Variants in EYS observed in about 807,000 individuals in gnomAD.
EYS encodes the protein EGF-like photoreceptor maintenance factor, also known as protein eyes shut homolog.
EYS carries 250 observed loss-of-function variants against 282.1 expected under a neutral mutation model. The observed-to-expected ratio is 0.89, with a 90% CI of 0.80 to 0.98. The LOEUF (loss-of-function observed/expected upper bound fraction) is 0.98, where lower values mean the gene tolerates loss of function less well. EYS is among the 50% of genes least tolerant of loss of function. EYS has a pLI of 0.00. For missense variants in EYS, 4,016 were observed against 3,709.0 expected (o/e 1.08, Z -2.15); for synonymous variants, 1,355 against 1,282.9 (o/e 1.06, Z -1.20).
chr6:63,905,329 C>CTTTTTTT (rs377115720), intron 35 of EYS, among the ~76,000 whole-genome samples: 1 of 118,300 alleles, frequency 8.5e-6, no homozygotes, highest in African/African-American at 3.4e-5. Flanking sequence ...CTTTTTTTTT[C>CTTTTTTT]TTTTTTTTTT....
chr6:64,542,671 C>T (rs1764726316), intron 26 of EYS, among the ~76,000 whole-genome samples: 1 of 151,966 alleles, frequency 6.6e-6, no homozygotes, highest in South Asian at 2.1e-4. Flanking sequence ...TATAAAATAA[C>T]ACATATAAAA....
intron 22 of EYS, among the ~76,000 whole-genome samples, chr6:64,686,192 G>A (rs896670410): frequency 4.6e-5 from 7 of 151,272 alleles, no homozygotes; most frequent in Non-Finnish European, 8.8e-5. Flanking sequence ...AAAATTTAAA[G>A]TTAATGACCT....
rs182741854 is a variant in EYS, at chr6:64,848,257, A to T, written c.2993-25435T>A. On this transcript the variant is annotated intron_variant, in intron 19 of 42. Coordinates refer to ENST00000503581, the MANE Select transcript of EYS (RefSeq NM_001142800.2). ...CTCTTTCCTTCACATTTTTTCTTTT[A>T]TTTTTTCAGTCTTTAAGAATAATAT... Among the ~76,000 whole-genome samples, 109 of 151,510 alleles carry T rather than the reference A, an allele frequency of 7.2e-4. 1 individual carries two copies. Among genetic ancestry groups the T allele is most frequent in the Admixed American group, 6.5e-3 (99 of 15,156 alleles).
intron 29 of EYS, among the ~76,000 whole-genome samples, chr6:64,349,541 G>GT (rs1771538327): frequency 6.6e-6 from 1 of 151,038 alleles, no homozygotes; most frequent in African/African-American, 2.4e-5. Flanking sequence ...TCAATACTAG[G>GT]TAAGAGTTAA....
At chr6:64,845,250 C>A (rs1765683758) in intron 19 of EYS, among the ~76,000 whole-genome samples, 1 of 151,840 alleles carries the variant, frequency 6.6e-6, no homozygotes, top group African/African-American at 2.4e-5. Context: ...AACATAGTGC[C>A]ACTACACTCC....
At chr6:65,563,917 C>T (rs1217065898) in intron 2 of EYS, among the ~76,000 whole-genome samples, 2 of 152,220 alleles carry the variant, frequency 1.3e-5, no homozygotes, top group East Asian at 3.9e-4. Context: ...AGCTTATGAG[C>T]AACTTCAGCA....
chr6:64,328,365 C>T (rs1582604960), intron 29 of EYS, among the ~76,000 whole-genome samples: 1 of 152,264 alleles, frequency 6.6e-6, no homozygotes, highest in South Asian at 2.1e-4. Flanking sequence ...GGACCCTAAC[C>T]AGGCTCAAGG....
chr6:64,506,420 A>C lies in EYS; in HGVS notation c.5645-67068T>G, dbSNP rs192852632. 4.1e-3 allele frequency among the ~76,000 whole-genome samples: 631 copies of C among 152,304 alleles called. 2 individuals are homozygous for C. The highest frequency in any genetic ancestry group is 5.2e-3 in the Non-Finnish European group (354 of 68,020). On this transcript the variant is annotated intron_variant, in intron 26 of 42. Transcript: ENST00000503581. ...GATAACACTGAGTTAGTTCTAATCT[A>C]ACATTAAAGGAAGAAACATGTACAC... is the stretch of plus-strand genomic sequence containing the variant.
chr6:64,439,261 C>A lies in EYS; in HGVS notation c.5736G>T (p.Gln1912His). 6.6e-7 allele frequency: 1 copy of A among 1,515,586 alleles called. No homozygotes were observed. Among genetic ancestry groups the A allele is most frequent in the Non-Finnish European group, 8.8e-7 (1 of 1,131,562 alleles). The allele number at this position is 1,515,586 out of a possible 1,614,324, so 93.9% of individuals were successfully genotyped here. Reference sequence around the variant, plus strand: ...GCAGAAGTCCATAGGAGCTGAAGGTCTGAAATTCTAGGGAGATGTTATTTT... The same window carrying A: ...GCAGAAGTCCATAGGAGCTGAAGGTATGAAATTCTAGGGAGATGTTATTTT... Reference protein sequence around the residue: ...NPQNNISLEFQTFSSYGLLLY... With the variant: ...NPQNNISLEFHTFSSYGLLLY... Residue 1912 changes from glutamine to histidine, a missense_variant, in exon 27 of 43, where the codon CAG becomes CAT. Physicochemically the swap from Gln to His is conservative, Grantham distance 24. Transcript: ENST00000503581.
chr6:63,757,940 A>G (rs1769532816), intron 41 of EYS, among the ~76,000 whole-genome samples: 12 of 152,278 alleles, frequency 7.9e-5, no homozygotes, highest in Admixed American at 6.5e-4. Context: ...TCATTCTGTC[A>G]TCCAAGTTGG....
chr6:65,012,819 A>G (rs1246986919), intron 13 of EYS, among the ~76,000 whole-genome samples: 1 of 150,640 alleles, frequency 6.6e-6, no homozygotes, highest in Non-Finnish European at 1.5e-5. Flanking sequence ...GCAAAAAAAA[A>G]AAAAAAATGA....
At chr6:64,678,494 C>A (rs1371799937) in intron 22 of EYS, among the ~76,000 whole-genome samples, 5 of 152,128 alleles carry the variant, frequency 3.3e-5, no homozygotes, top group Non-Finnish European at 7.3e-5. Flanking sequence ...AGGAGAATCA[C>A]TTGAACCCAG....
chr6:65,408,149 C>A (rs1251463978), intron 5 of EYS, among the ~76,000 whole-genome samples: 1 of 151,856 alleles, frequency 6.6e-6, no homozygotes, highest in Non-Finnish European at 1.5e-5. Context: ...CGTACTTTAT[C>A]AGGATAGAAA....
At chr6:64,879,931 G>A (rs1201173648) in intron 19 of EYS, among the ~76,000 whole-genome samples, 1 of 151,984 alleles carries the variant, frequency 6.6e-6, no homozygotes, top group Non-Finnish European at 1.5e-5. Flanking sequence ...GAAGTATTAA[G>A]AGTGTTGAAA....
chr6:63,725,925 A>G (rs1281172725), intron 42 of EYS, among the ~76,000 whole-genome samples: 1 of 152,178 alleles, frequency 6.6e-6, no homozygotes, highest in African/African-American at 2.4e-5. Flanking sequence ...ATATGTGCAG[A>G]TGTCTTTGTC....
chr6:64,014,329 G>A (rs2149813988), intron 33 of EYS, among the ~76,000 whole-genome samples: 1 of 151,646 alleles, frequency 6.6e-6, no homozygotes. Context: ...TTACAGTGAG[G>A]GATTCTTTTT....
intron 31 of EYS, among the ~76,000 whole-genome samples, chr6:64,223,471 A>G (rs1448625401): frequency 1.3e-5 from 2 of 151,946 alleles, no homozygotes; most frequent in Non-Finnish European, 2.9e-5. Context: ...ATACAACTCA[A>G]TATATTTTTC....
intron 35 of EYS, among the ~76,000 whole-genome samples, chr6:63,894,820 C>T (rs1000699846): frequency 6.6e-6 from 1 of 151,948 alleles, no homozygotes; most frequent in African/African-American, 2.4e-5. Flanking sequence ...ATCTCCTGAC[C>T]TCGTGATCCG....
rs570491907 is a variant in EYS at position 65,666,859 on chromosome 6, T to A, written c.-447-26967A>T. ...GCTAAGAAAGATTAAGGATAAATAC[T>A]CTTGAAAAATACATAAAAATAATAA... On this transcript the variant is annotated intron_variant, in intron 1 of 42. Coordinates refer to ENST00000503581, the MANE Select transcript of EYS (RefSeq NM_001142800.2). Among the ~76,000 whole-genome samples, 92 of 150,090 alleles carry A rather than the reference T, an allele frequency of 6.1e-4. 2 individuals are homozygous for A. The highest frequency in any genetic ancestry group is 2.2e-3 in the African/African-American group (90 of 41,188).
Sources: gnomAD v4.1 joint callset for allele counts (sites outside exome capture counted in the v4.1 genomes callset) on GRCh38, gnomAD v4.1.1 for gene constraint, MANE v1.5 for transcripts, NCBI Gene and HGNC (gene_info 2026-07-23, HGNC 2026-07-21) for gene names.